Variants in SH2B1 observed in about 807,000 individuals in gnomAD.
SH2B1 encodes the protein SH2B adapter protein 1.
A neutral mutation model predicts 62.6 loss-of-function variants in SH2B1; 15 were observed. The observed-to-expected ratio is 0.24, with a 90% CI of 0.16 to 0.37. The LOEUF (loss-of-function observed/expected upper bound fraction) is 0.37. Among genes scored for constraint, SH2B1 ranks in the 10% least tolerant of loss-of-function variants. The pLI, the probability that SH2B1 is intolerant of heterozygous loss-of-function variation, is 1.00. For synonymous variants in SH2B1, 443 were observed against 438.0 expected, an observed-to-expected ratio of 1.01 and a Z score of -0.14; for missense variants, 925 against 1,015.6, an observed-to-expected ratio of 0.91 and a Z score of 1.21.
At chr16:28,850,688 C>T (rs1018316527) in intron 1 of SH2B1, among the ~76,000 whole-genome samples, 2 of 151,598 alleles carry the variant, frequency 1.3e-5, no homozygotes, top group African/African-American at 4.8e-5. Flanking sequence ...TGAAACCCCA[C>T]CTCTACTAAA....
intron 1 of SH2B1, among the ~76,000 whole-genome samples, chr16:28,850,900 C>T (rs985973338): frequency 1.4e-5 from 2 of 145,826 alleles, no homozygotes; most frequent in Admixed American, 6.9e-5. Flanking sequence ...AAGGGCCGGA[C>T]GTGGTGGCTC....
At chr16:28,870,966 C>T (rs770814621) in intron 4 of SH2B1, among the ~76,000 whole-genome samples, 7 of 150,556 alleles carry the variant, frequency 4.6e-5, no homozygotes, top group Non-Finnish European at 7.4e-5. Context: ...GGATTACAGG[C>T]GTGAGCCACT....
chr16:28,853,129 T>C (rs1340836447), intron 1 of SH2B1, among the ~76,000 whole-genome samples: 1 of 131,576 alleles, frequency 7.6e-6, no homozygotes, highest in East Asian at 2.2e-4. Context: ...TATATTTATG[T>C]ATACATTTAT....
At chr16:28,867,179 T>C in intron 1 of SH2B1, 146 bp downstream of exon 1, 3 of 1,288,198 alleles carry the variant, frequency 2.3e-6, no homozygotes, top group East Asian at 2.3e-5. Context: ...CTTGGCTCTG[T>C]GTTAGCAGCT....
Position 28,864,400 on chromosome 16 carries a change from G to C in SH2B1, c.-1695G>C, listed in dbSNP as rs1962573109. The C allele has an allele frequency of 1.0e-6, 1 of 987,110 alleles. No homozygotes were observed. Among genetic ancestry groups the C allele is most frequent in the African/African-American group, 1.7e-5 (1 of 57,220 alleles). 61.1% of individuals were successfully genotyped at this position (987,110 alleles called of 1,614,324 possible). ...TGCGGAGGATTGGGTGGGCCTGTGTGAGCCGAGGTGGCCGCTGGCTGGAGA... is the reference window on the plus strand; with the variant it reads ...TGCGGAGGATTGGGTGGGCCTGTGTCAGCCGAGGTGGCCGCTGGCTGGAGA... On this transcript the variant is annotated 5_prime_UTR_variant, in exon 1 of 8. Transcript: ENST00000684370.
chr16:28,864,313 T>G lies in SH2B1; in HGVS notation c.-1782T>G. ...GAGTCCTGCTTGGCAGAAGAGAAAC[T>G]GAGTCACCAGCTTAGGAGTCGCAGG... On this transcript the variant is annotated 5_prime_UTR_variant, in exon 1 of 8. An upstream open reading frame in the 5' UTR loses its in-frame stop. Coordinates refer to ENST00000684370, the MANE Select transcript of SH2B1 (RefSeq NM_001387430.1). 1.0e-6 allele frequency: 1 copy of G among 993,576 alleles called. No individual in the cohort carries two copies. The highest frequency in any genetic ancestry group is 1.2e-6 in the Non-Finnish European group (1 of 834,766). 61.5% of individuals were successfully genotyped at this position (993,576 alleles called of 1,614,324 possible). A position where few individuals can be genotyped will look rare whatever the true frequency, so the allele number is the denominator to read the frequency against.
chr16:28,860,999 G>A (rs930638429), upstream of SH2B1, among the ~76,000 whole-genome samples: 3 of 151,368 alleles, frequency 2.0e-5, no homozygotes, highest in African/African-American at 7.3e-5. Context: ...TATATTTTTG[G>A]TAGAGATGAG....
In SH2B1 at chr16:28,852,704, A is replaced by T. The variant is rs1340725014; in HGVS notation, c.-301+5877A>T. Among the ~76,000 whole-genome samples, 2 of 69,668 alleles carry T rather than the reference A, an allele frequency of 2.9e-5. 1 individual carries two copies. The highest frequency in any genetic ancestry group is 5.1e-5 in the Non-Finnish European group (2 of 39,490). 45.7% of individuals were successfully genotyped at this position (69,668 alleles called of 152,430 possible). A position where few individuals can be genotyped will look rare whatever the true frequency, so the allele number is the denominator to read the frequency against. ...TTTACATATATATTTATATATATAC[A>T]TATATATTTACATATATATTTATAT... On this transcript the variant is annotated intron_variant, in intron 1 of 10. Transcript: ENST00000322610.
In SH2B1 at chr16:28,869,300, T is replaced by C; in HGVS notation, c.1226T>C (p.Leu409Pro). ...LTRENTDSLE[L>P]SCLNHSESLP... ...AGGGAGAACACAGACAGCCTGGAGC[T>C]GTCCTGCCTGAATCACTCGGAGAGT... The change falls in exon 4 of 8, where the codon CTG becomes CCG. Residue 409 changes from leucine to proline, a missense_variant. Physicochemically the swap from Leu to Pro is moderately conservative, Grantham distance 98 (BLOSUM62 -3). Around this residue, in one of 3 missense-constraint regions of SH2B1, gnomAD observed 683 missense variants for 704.0 expected, o/e 0.97. Transcript: ENST00000684370. 1 of 1,614,156 alleles carries C rather than the reference T, an allele frequency of 6.2e-7. No homozygotes were observed. The highest frequency in any genetic ancestry group is 8.5e-7 in the Non-Finnish European group (1 of 1,180,020).
chr16:28,869,498 T>C (rs1234827097), intron 4 of SH2B1, 115 bp downstream of exon 4: 2 of 919,878 alleles, frequency 2.2e-6, no homozygotes, highest in Non-Finnish European at 1.6e-6. Flanking sequence ...GTTTTCCAGA[T>C]GCCCTACCCC....
At position 28,863,969 on chromosome 16, in the gene SH2B1, C is replaced by G; in HGVS notation, c.-2126C>G. On this transcript the variant is annotated 5_prime_UTR_variant, in exon 1 of 8. Coordinates refer to ENST00000684370, the MANE Select transcript of SH2B1 (RefSeq NM_001387430.1). Reference sequence around the variant, plus strand: ...AGGTGGGACCGGAACCGGAACCCCCCTCTTCAAGTACCTTTTCCCTCTCCG... The same window carrying G: ...AGGTGGGACCGGAACCGGAACCCCCGTCTTCAAGTACCTTTTCCCTCTCCG... 2 of 1,441,458 alleles carry G rather than the reference C, an allele frequency of 1.4e-6. No homozygotes were observed. The highest frequency in any genetic ancestry group is 9.1e-7 in the Non-Finnish European group (1 of 1,103,512). 89.3% of individuals were successfully genotyped at this position (1,441,458 alleles called of 1,614,324 possible).
chr16:28,856,200 G>A (rs190747796), intron 1 of SH2B1, among the ~76,000 whole-genome samples: 20 of 149,964 alleles, frequency 1.3e-4, no homozygotes, highest in Non-Finnish European at 2.4e-4. Flanking sequence ...CTTGAATCCG[G>A]AGGTGGACAT....
chr16:28,853,964 T>C (rs1274146502), intron 1 of SH2B1, among the ~76,000 whole-genome samples: 4 of 125,622 alleles, frequency 3.2e-5, no homozygotes, highest in African/African-American at 1.2e-4. Flanking sequence ...ATCGCACCAC[T>C]GCACTCCAGA....
At chr16:28,859,085 G>A (rs1246366736), upstream of SH2B1, among the ~76,000 whole-genome samples, 3 of 151,930 alleles carry the variant, frequency 2.0e-5, no homozygotes, top group Admixed American at 6.6e-5. Context: ...GGGATTACAG[G>A]CATGGACCAC....
At chr16:28,861,033 G>C (rs7499337), upstream of SH2B1, among the ~76,000 whole-genome samples, 43,743 of 151,950 alleles carry the variant, frequency 0.29, 8,017 homozygotes, top group Non-Finnish European at 0.39. Flanking sequence ...GGCTAGGCTG[G>C]TCTCAAACTC....
chr16:28,863,591 T>G, upstream of SH2B1: 2 of 1,293,536 alleles, frequency 1.5e-6, no homozygotes, highest in African/African-American at 1.5e-5. Flanking sequence ...CATCGCCCCT[T>G]TGTCCCGAAT....
At chr16:28,855,048 G>A (rs577279029) in intron 1 of SH2B1, among the ~76,000 whole-genome samples, 1 of 151,246 alleles carries the variant, frequency 6.6e-6, no homozygotes, top group East Asian at 2.0e-4. Context: ...GCTAATTTTT[G>A]TATTTTTAGT....
chr16:28,854,001 CAAAAAAAAAAAAAAA>C (rs59760541), intron 1 of SH2B1, among the ~76,000 whole-genome samples: 5 of 45,982 alleles, frequency 1.1e-4, no homozygotes, highest in African/African-American at 1.1e-4. Flanking sequence ...GACTAGGTCT[CAAAAAAAAAAAAAAA>C]AAAAAAAAAA....
chr16:28,871,782 G>C lies in SH2B1; in HGVS notation c.1312G>C (p.Ala438Pro), dbSNP rs768228879. The C allele has an allele frequency of 3.1e-6, 5 of 1,612,180 alleles. No individual in the cohort carries two copies. In the South Asian group the frequency reaches 5.5e-5, roughly 18 times the overall value. The change falls in exon 5 of 8, where the codon GCA becomes CCA. Residue 438 changes from alanine to proline, a missense_variant and splice_region_variant. Physicochemically the swap from Ala to Pro is conservative, Grantham distance 27 (BLOSUM62 -1). This residue lies in a region of SH2B1 where 683 missense variants were observed against 704.0 expected (regional missense o/e 0.97). Coordinates refer to ENST00000684370, the MANE Select transcript of SH2B1 (RefSeq NM_001387430.1). The stretch of plus-strand genomic sequence containing the variant: ...AGCTTTGCCCTTTTTTTTTCCAGGG[G>C]CATATGGGGGCCTCTCAGACCGCCC... ...SESNDRLSQG[A>P]YGGLSDRPSA... is the part of the protein sequence containing the mutation.
Sources: gnomAD v4.1 joint callset for allele counts (sites outside exome capture counted in the v4.1 genomes callset) on GRCh38, gnomAD v4.1.1 for gene constraint, gnomAD v4.1.1 regional missense constraint, MANE v1.5 for transcripts, NCBI Gene and HGNC (gene_info 2026-07-23, HGNC 2026-07-21) for gene names.